The following GALNT9 variants were observed in gnomAD, a reference collection of about 807,000 sequenced individuals.
GALNT9 encodes polypeptide N-acetylgalactosaminyltransferase 9.
A neutral mutation model predicts 63.1 loss-of-function variants in GALNT9; 47 were observed. That is an observed-to-expected ratio of 0.75 (90% CI 0.59 to 0.95). The LOEUF (loss-of-function observed/expected upper bound fraction) is 0.95, where lower values mean the gene tolerates loss of function less well. GALNT9 is among the 40% of genes least tolerant of loss of function. GALNT9 has a pLI of 0.00. For missense variants in GALNT9, 829 were observed against 874.8 expected (o/e 0.95, Z 0.66); for synonymous variants, 396 against 365.7 (o/e 1.08, Z -0.94).
rs199913384 is a variant in GALNT9, at chr12:132,201,096, C to T, written c.1401+28G>A. The stretch of plus-strand genomic sequence containing the variant: ...AGTCAGGGCAGAAAGCCTGTCGGGC[C>T]GAACGGGGCCCTCGGGGGAGGTGCT... On this transcript the variant is annotated intron_variant, in intron 8 of 10. Transcript: ENST00000328957. 128 of 1,606,572 alleles carry T rather than the reference C, an allele frequency of 8.0e-5. 1 individual carries two copies. Among genetic ancestry groups the T allele is most frequent in the Non-Finnish European group, 9.2e-5 (108 of 1,175,564 alleles).
intron 4 of GALNT9, among the ~76,000 whole-genome samples, chr12:132,260,148 G>A (rs1473911194): frequency 6.6e-6 from 1 of 152,212 alleles, no homozygotes; most frequent in Non-Finnish European, 1.5e-5. Flanking sequence ...AATGACAAGG[G>A]TCCTTGCATA....
rs1877951873 is a variant in GALNT9 at position 132,235,144 on chromosome 12, ACACACTC to A, written c.1077+12759_1077+12765del. 1.2e-3 allele frequency among the ~76,000 whole-genome samples: 137 copies of A among 111,254 alleles called. 26 individuals carry two copies. Among genetic ancestry groups the A allele is most frequent in the African/African-American group, 5.9e-3 (132 of 22,216 alleles). The allele number at this position is 111,254 out of a possible 152,430, so 73.0% of individuals were successfully genotyped here. A position where few individuals can be genotyped will look rare whatever the true frequency, so the allele number is the denominator to read the frequency against. The stretch of plus-strand genomic sequence containing the variant: ...GAGACAGCGTGGAGTCCCTAGTGCC[ACACACTC>A]GATGGGGTGACAGGGACAGCGTGGA... On this transcript the variant is annotated intron_variant, in intron 6 of 10. Transcript: ENST00000328957.
At position 132,197,937 on chromosome 12, in the gene GALNT9, C is replaced by A; in HGVS notation, c.1520G>T (p.Gly507Val). The A allele has an allele frequency of 1.2e-6, 2 of 1,611,220 alleles. No individual in the cohort carries two copies. Among genetic ancestry groups the A allele is most frequent in the Non-Finnish European group, 1.7e-6 (2 of 1,179,308 alleles). Residue 507 changes from glycine to valine, a missense_variant, in exon 10 of 11, where the codon GGA becomes GTA. Gly to Val is a moderately radical substitution (Grantham distance 109). Coordinates refer to ENST00000328957, the MANE Select transcript of GALNT9 (RefSeq NM_001122636.2). ...SSQLVRYSAD[G>V]LLQLGPLGST... ...GCCCAGAGGCCCCAGCTGCAGCAGT[C>A]CATCAGCGCTGTACCGCACCAGCTG...
rs537648895 is a variant in GALNT9 at position 132,321,190 on chromosome 12, C to G, written c.238+7776G>C. On this transcript the variant is annotated intron_variant, in intron 1 of 10. Transcript: ENST00000328957. ...GGTGCCTGTGGGTCCGGAGTCGAGG[C>G]CCCTGTTGGTCCAGAGTCGAGGCCC... 4.0e-5 allele frequency among the ~76,000 whole-genome samples: 6 copies of G among 150,510 alleles called. No individual in the cohort carries two copies. The East Asian group carries it at 1.2e-3, about 30-fold the overall frequency.
At chr12:132,222,899 C>CCCCACACACCCCACACAA (rs1241425799) in intron 6 of GALNT9, among the ~76,000 whole-genome samples, 1 of 98,230 alleles carries the variant, frequency 1.0e-5, no homozygotes, top group Non-Finnish European at 2.0e-5. Context: ...ACAACCCGCA[C>CCCCACACACCCCACACAA]CCCACACCCC....
In GALNT9 at chr12:132,257,814, C is replaced by G. The variant is rs1555239266; in HGVS notation, c.834G>C (p.Lys278Asn). The stretch of plus-strand genomic sequence containing the variant: ...ACTGCTGCACCTCAAACGTGCTGTA[C>G]TTGATGTTGTCGATGGCTGGCAGCA... ...RIVLPAIDNI[K>N]YSTFEVQQYA... is the part of the protein sequence containing the mutation. The change falls in exon 5 of 11, where the codon AAG becomes AAC. Residue 278 changes from lysine to asparagine, a missense_variant. Transcript: ENST00000328957. 1 of 1,550,374 alleles carries G rather than the reference C, an allele frequency of 6.5e-7. No individual in the cohort carries two copies. The highest frequency in any genetic ancestry group is 2.0e-5 in the Admixed American group (1 of 51,010).
intron 2 of GALNT9, chr12:132,283,849 C>T (rs1880463943): frequency 6.6e-6 from 1 of 152,208 alleles, no homozygotes; most frequent in Non-Finnish European, 1.5e-5. Context: ...ATGTCCTCTG[C>T]TGTGAGAACC....
chr12:132,254,027 T>G (rs1454489404), intron 5 of GALNT9, among the ~76,000 whole-genome samples: 12 of 144,258 alleles, frequency 8.3e-5, no homozygotes, highest in Admixed American at 2.7e-4. Context: ...TGTTTTTTCT[T>G]TTTTTTTTTT....
chr12:132,275,392 A>T (rs116312686), intron 2 of GALNT9: 4,034 of 152,422 alleles, frequency 0.026, 171 homozygotes, highest in African/African-American at 0.09. Context: ...GGGAGACAGG[A>T]CGTGAGGCTG....
intron 1 of GALNT9, among the ~76,000 whole-genome samples, chr12:132,287,758 C>T (rs532749303): frequency 5.3e-5 from 8 of 152,090 alleles, no homozygotes; most frequent in Admixed American, 3.9e-4. Flanking sequence ...CCAAGGGGGC[C>T]GGGCCAGGGA....
At chr12:132,294,841 G>A (rs1555243088) in intron 1 of GALNT9, among the ~76,000 whole-genome samples, 1 of 152,242 alleles carries the variant, frequency 6.6e-6, no homozygotes, top group African/African-American at 2.4e-5. Context: ...CTGTGCGGAA[G>A]GTTGCCGTGG....
chr12:132,263,580 C>T (rs1879487303), intron 2 of GALNT9, among the ~76,000 whole-genome samples: 1 of 152,216 alleles, frequency 6.6e-6, no homozygotes, highest in South Asian at 2.1e-4. Flanking sequence ...TCACCGTCCT[C>T]AAGCGCACAC....
intron 1 of GALNT9, among the ~76,000 whole-genome samples, chr12:132,312,685 A>T (rs933003301): frequency 6.6e-6 from 1 of 152,208 alleles, no homozygotes; most frequent in East Asian, 1.9e-4. Flanking sequence ...CACACGGAGG[A>T]TGGGAGGGGA....
intron 5 of GALNT9, among the ~76,000 whole-genome samples, chr12:132,255,761 A>G (rs1879083528): frequency 6.6e-6 from 1 of 152,214 alleles, no homozygotes; most frequent in Admixed American, 6.5e-5. Context: ...CCTAAAACAT[A>G]CACATCCAGC....
chr12:132,229,219 C>T (rs1877808451), intron 6 of GALNT9, among the ~76,000 whole-genome samples: 2 of 152,360 alleles, frequency 1.3e-5, no homozygotes, highest in South Asian at 2.1e-4. Context: ...CTCCGTGCAC[C>T]GTTCCCTGGT....
chr12:132,294,618 G>A (rs971825659), intron 1 of GALNT9, among the ~76,000 whole-genome samples: 29 of 152,314 alleles, frequency 1.9e-4, no homozygotes, highest in Admixed American at 1.6e-3. Flanking sequence ...GCAGAGGCTG[G>A]GGTCAGGACT....
intron 3 of GALNT9, among the ~76,000 whole-genome samples, chr12:132,262,051 G>A (rs1275093203): frequency 6.6e-6 from 1 of 152,246 alleles, no homozygotes; most frequent in East Asian, 1.9e-4. Context: ...CTCTGTGGAA[G>A]GGGGTGGCTG....
intron 6 of GALNT9, among the ~76,000 whole-genome samples, chr12:132,215,785 T>A (rs933827211): frequency 1.3e-5 from 2 of 152,034 alleles, no homozygotes; most frequent in Admixed American, 1.3e-4. Flanking sequence ...CATGGCCACA[T>A]GGGACCCAGC....
At chr12:132,220,972 A>T (rs1176481715) in intron 6 of GALNT9, among the ~76,000 whole-genome samples, 2 of 148,060 alleles carry the variant, frequency 1.4e-5, no homozygotes, top group African/African-American at 5.0e-5. Flanking sequence ...CAGGACAATC[A>T]CTTGAACCTG....
Sources: gnomAD v4.1 joint callset for allele counts (sites outside exome capture counted in the v4.1 genomes callset) on GRCh38, gnomAD v4.1.1 for gene constraint, MANE v1.5 for transcripts, NCBI Gene and HGNC (gene_info 2026-07-23, HGNC 2026-07-21) for gene names.